RGS6: variants seen among roughly 807,000 people sequenced by gnomAD.
RGS6 encodes regulator of G-protein signaling 6.
In RGS6, 30 loss-of-function variants were observed where a neutral mutation model predicts 78.5. The observed-to-expected ratio is 0.38, with a 90% confidence interval of 0.29 to 0.52. RGS6 has a LOEUF of 0.52. RGS6 is among the 20% of genes least tolerant of loss of function. RGS6 has a pLI of 0.85. For synonymous variants in RGS6, 206 were observed against 206.0 expected (o/e 1.00, Z 0.00); for missense variants, 495 against 609.7 (o/e 0.81, Z 1.98).
chr14:72,337,708 G>T (rs2076295803), intron 2 of RGS6, among the ~76,000 whole-genome samples: 2 of 152,202 alleles, frequency 1.3e-5, no homozygotes, highest in African/African-American at 4.8e-5. Flanking sequence ...TTGCAGAAGA[G>T]CTACAGGGAG....
chr14:72,284,382 C>T (rs11847074), intron 2 of RGS6, among the ~76,000 whole-genome samples: 7,576 of 152,188 alleles, frequency 0.05, 562 homozygotes, highest in African/African-American at 0.17. Context: ...CTATGTGCAG[C>T]TTAGGGACTT....
In RGS6 at chr14:72,374,330, A is replaced by G. The variant is rs534303723; in HGVS notation, c.184+22136A>G. ...GTTCAATTCCTACCTATGAGTGAGA[A>G]CATGTGGTGTTTGGTTTTCTGTCCC... On this transcript the variant is annotated intron_variant, in intron 3 of 17. Transcript: ENST00000553525. Among the ~76,000 whole-genome samples, 12 of 151,776 alleles carry G rather than the reference A, an allele frequency of 7.9e-5. No individual in the cohort carries two copies. The South Asian group carries it at 1.5e-3, about 19-fold the overall frequency.
rs551643945 is a variant in RGS6 at position 72,256,473 on chromosome 14, C to A, written c.85-95622C>A. ...GACCTCTGGCTAGATGGCTCCTGAG[C>A]AGTAAGAAATTATAGAAAAGCAAGC... is the stretch of plus-strand genomic sequence containing the variant. On this transcript the variant is annotated intron_variant, in intron 2 of 17. Coordinates refer to ENST00000553525, the MANE Select transcript of RGS6 (RefSeq NM_001204424.2). 7.9e-4 allele frequency among the ~76,000 whole-genome samples: 120 copies of A among 152,264 alleles called. 1 individual carries two copies. The highest frequency in any genetic ancestry group is 2.8e-3 in the African/African-American group (116 of 41,548).
At chr14:72,131,868 A>G (rs2096325917) in intron 2 of RGS6, among the ~76,000 whole-genome samples, 1 of 152,246 alleles carries the variant, frequency 6.6e-6, no homozygotes. Context: ...TGCTTACTAG[A>G]AGCCCACCAT....
rs1345121842 is a variant in RGS6 at position 72,310,964 on chromosome 14, T to G, written c.85-41131T>G. Among the ~76,000 whole-genome samples the G allele has an allele frequency of 2.6e-5, 4 of 152,322 alleles. No individual in the cohort carries two copies. In the East Asian group the frequency reaches 7.7e-4, roughly 29 times the overall value. On this transcript the variant is annotated intron_variant, in intron 2 of 17. Transcript: ENST00000553525. ...AGTTCCCTGAAATTAAAACAGGTAT[T>G]CATCTTGTCAGAATAAGAAAACAGG... is the stretch of plus-strand genomic sequence containing the variant.
In RGS6 at chr14:72,066,341, G is replaced by A. The variant is rs115133034; in HGVS notation, c.84+101466G>A. On this transcript the variant is annotated intron_variant, in intron 2 of 17. Coordinates refer to ENST00000553525, the MANE Select transcript of RGS6 (RefSeq NM_001204424.2). ...TAAAGCTTTTTCTAAAGGTTTTTAC[G>A]TCTATATATACCTCTGTATGTTACT... Among the ~76,000 whole-genome samples the A allele has an allele frequency of 2.5e-3, 379 of 152,056 alleles. 3 individuals are homozygous for A. The highest frequency in any genetic ancestry group is 8.7e-3 in the African/African-American group (362 of 41,470).
At chr14:72,026,906 T>G (rs952260849) in intron 2 of RGS6, among the ~76,000 whole-genome samples, 2 of 152,174 alleles carry the variant, frequency 1.3e-5, no homozygotes, top group African/African-American at 4.8e-5. Context: ...TAGGGGGGGC[T>G]ACTTTGGATG....
At chr14:72,355,813 T>C (rs995207494) in intron 3 of RGS6, among the ~76,000 whole-genome samples, 2 of 152,102 alleles carry the variant, frequency 1.3e-5, no homozygotes, top group African/African-American at 2.4e-5. Context: ...TTGAATCATA[T>C]GGATATTGAG....
intron 2 of RGS6, among the ~76,000 whole-genome samples, chr14:72,351,857 A>G (rs2079158112): frequency 6.6e-6 from 1 of 152,184 alleles, no homozygotes; most frequent in Admixed American, 6.5e-5. Flanking sequence ...TACCTTGTTG[A>G]ACTGGGATCT....
At chr14:72,326,673 C>G (rs895876763) in intron 2 of RGS6, among the ~76,000 whole-genome samples, 3 of 152,154 alleles carry the variant, frequency 2.0e-5, no homozygotes, top group Non-Finnish European at 2.9e-5. Flanking sequence ...CCAGTTAAAC[C>G]TCTTTTCTTA....
chr14:71,991,659 C>G (rs1196967324), intron 2 of RGS6, among the ~76,000 whole-genome samples: 1 of 152,158 alleles, frequency 6.6e-6, no homozygotes, highest in African/African-American at 2.4e-5. Context: ...TTTGAAGTAC[C>G]TACTTCCATG....
chr14:72,559,881 A>G (rs1260130911), intron 17 of RGS6, among the ~76,000 whole-genome samples: 1 of 152,172 alleles, frequency 6.6e-6, no homozygotes, highest in Non-Finnish European at 1.5e-5. Context: ...GGTTGAGGGT[A>G]TGGAAGCCTC....
At chr14:72,169,401 C>A (rs905312656) in intron 2 of RGS6, among the ~76,000 whole-genome samples, 3 of 152,214 alleles carry the variant, frequency 2.0e-5, no homozygotes, top group Non-Finnish European at 4.4e-5. Flanking sequence ...TCCCTTATGA[C>A]TCCCTTAAGA....
intron 2 of RGS6, among the ~76,000 whole-genome samples, chr14:72,211,719 T>C (rs963396649): frequency 3.9e-5 from 6 of 152,156 alleles, no homozygotes; most frequent in African/African-American, 1.2e-4. Flanking sequence ...GAAGTTCAAC[T>C]GCAAAATACC....
At chr14:72,611,855 G>A in the RGS6 span, among the ~76,000 whole-genome samples, 1 of 152,018 alleles carries the variant, frequency 6.6e-6, no homozygotes, top group African/African-American at 2.4e-5. Context: ...TTCTACTGAG[G>A]AACACGCATC....
intron 2 of RGS6, among the ~76,000 whole-genome samples, chr14:72,086,347 A>G (rs143660796): frequency 1.9e-3 from 296 of 152,268 alleles, no homozygotes; most frequent in African/African-American, 6.9e-3. Flanking sequence ...TGAATTTATG[A>G]CACCCTGGTT....
rs569021668 is a variant in RGS6 at position 72,334,667 on chromosome 14, C to T, written c.85-17428C>T. Among the ~76,000 whole-genome samples, 36 of 152,304 alleles carry T rather than the reference C, an allele frequency of 2.4e-4. No homozygotes were observed. The South Asian group carries it at 7.5e-3, about 32-fold the overall frequency. On this transcript the variant is annotated intron_variant, in intron 2 of 17. Coordinates refer to ENST00000553525, the MANE Select transcript of RGS6 (RefSeq NM_001204424.2). ...AATTCATTCATGAGGGGACTGAGAC[C>T]TCAGAGGAAAGTGGTGTCCCTGAAA...
At chr14:72,004,092 C>T (rs1225510827) in intron 2 of RGS6, among the ~76,000 whole-genome samples, 1 of 152,100 alleles carries the variant, frequency 6.6e-6, no homozygotes, top group African/African-American at 2.4e-5. Flanking sequence ...TCCAAAGCTC[C>T]CCAGGAGGTT....
At chr14:72,198,250 G>T (rs948561809) in intron 2 of RGS6, among the ~76,000 whole-genome samples, 2 of 152,152 alleles carry the variant, frequency 1.3e-5, no homozygotes, top group Non-Finnish European at 2.9e-5. Context: ...CTACTCAGGA[G>T]GCTGAAGTGG....
Sources: allele counts gnomAD v4.1 joint callset (sites outside exome capture counted in the v4.1 genomes callset), GRCh38; gene constraint gnomAD v4.1.1; transcripts MANE v1.5; gene names NCBI Gene and HGNC (gene_info 2026-07-23, HGNC 2026-07-21).